Variants in TSPAN9 observed in about 807,000 individuals in gnomAD.
TSPAN9 encodes the protein tetraspanin 9, also known as tetraspanin-9.
Under a neutral mutation model 31.0 loss-of-function variants are expected in TSPAN9, and 16 were observed. The ratio of observed to expected loss-of-function variants is 0.52; its 90% CI spans 0.35 to 0.78. The LOEUF is 0.78. TSPAN9 is among the 30% of genes least tolerant of loss of function. The pLI is 0.01. For synonymous variants in TSPAN9, 145 were observed against 121.6 expected, an observed-to-expected ratio of 1.19 and a Z score of -1.27; for missense variants, 272 against 312.5, an observed-to-expected ratio of 0.87 and a Z score of 0.98.
chr12:3,174,809 C>T (rs1463988062), intron 2 of TSPAN9, among the ~76,000 whole-genome samples: 2 of 150,562 alleles, frequency 1.3e-5, no homozygotes, highest in African/African-American at 4.9e-5. Flanking sequence ...GTCTCGATCT[C>T]CTGACCTCGT....
chr12:3,089,444 G>C (rs763058090), intron 2 of TSPAN9, among the ~76,000 whole-genome samples: 162 of 151,034 alleles, frequency 1.1e-3, no homozygotes, highest in Non-Finnish European at 1.9e-3. Context: ...TTACAGGCAT[G>C]TGCCACCACG....
rs1290414782 is a variant in TSPAN9, at chr12:3,264,540, G to A, written c.64-13881G>A. ...GGGAGTAGAGCCCATCTGGGCAGACGCTGCTGCAGGCCTGGGTGGACAGGG... is the reference window on the plus strand; with the variant it reads ...GGGAGTAGAGCCCATCTGGGCAGACACTGCTGCAGGCCTGGGTGGACAGGG... On this transcript the variant is annotated intron_variant, in intron 3 of 8. Coordinates refer to ENST00000011898, the MANE Select transcript of TSPAN9 (RefSeq NM_006675.5). Among the ~76,000 whole-genome samples, 3 of 152,292 alleles carry A rather than the reference G, an allele frequency of 2.0e-5. No individual in the cohort carries two copies. The East Asian group carries it at 5.8e-4, about 29-fold the overall frequency.
intron 2 of TSPAN9, among the ~76,000 whole-genome samples, chr12:3,146,045 C>T (rs1228430069): frequency 1.3e-5 from 2 of 152,244 alleles, no homozygotes; most frequent in Admixed American, 6.5e-5. Context: ...GGCACGAGGA[C>T]GCTTTCCCAC....
At chr12:3,279,730 A>G (rs1289340263) in intron 5 of TSPAN9, among the ~76,000 whole-genome samples, 1 of 152,248 alleles carries the variant, frequency 6.6e-6, no homozygotes, top group Non-Finnish European at 1.5e-5. Flanking sequence ...CCTGAGCCAC[A>G]CTGAAAGTTA....
intron 1 of TSPAN9, among the ~76,000 whole-genome samples, chr12:3,081,840 G>GTATATATA (rs1279686443): frequency 8.3e-4 from 25 of 30,130 alleles, no homozygotes; most frequent in African/African-American, 4.5e-3. Context: ...GTGTGTCTGT[G>GTATATATA]TGTGTATATA....
intron 3 of TSPAN9, among the ~76,000 whole-genome samples, chr12:3,209,818 G>T (rs192703581): frequency 5.1e-4 from 78 of 152,058 alleles, no homozygotes; most frequent in African/African-American, 1.8e-3. Flanking sequence ...AATTAGCCGG[G>T]CGCGGTGGTG....
At chr12:3,226,769 TATATATATATATATATATATA>T (rs1565622542) in intron 3 of TSPAN9, among the ~76,000 whole-genome samples, 2 of 3,680 alleles carry the variant, frequency 5.4e-4, no homozygotes, top group African/African-American at 1.3e-3. Context: ...TATATATATA[TATATATATATATATATATATA>T]TATATTTTTT....
intron 2 of TSPAN9, among the ~76,000 whole-genome samples, chr12:3,114,371 A>G (rs560253110): frequency 6.6e-6 from 1 of 152,270 alleles, no homozygotes; most frequent in Non-Finnish European, 1.5e-5. Context: ...GAGACAGGCG[A>G]TGGGCTGTAT....
intron 2 of TSPAN9, among the ~76,000 whole-genome samples, chr12:3,127,948 GGC>G (rs1285787468): frequency 1.3e-5 from 2 of 152,130 alleles, no homozygotes; most frequent in Non-Finnish European, 2.9e-5. Context: ...TTACACGACT[GGC>G]AGTGCAGTGG....
Position 3,243,239 on chromosome 12 carries a change from G to A in TSPAN9, c.64-35182G>A, listed in dbSNP as rs750833091. On this transcript the variant is annotated intron_variant, in intron 3 of 8. Transcript: ENST00000011898. Reference sequence around the variant, plus strand: ...TGAGTTCCCCATCTCGTTGTCTGCTGGACTCACCCATCATCTTTCCACCAT... The same window carrying A: ...TGAGTTCCCCATCTCGTTGTCTGCTAGACTCACCCATCATCTTTCCACCAT... Among the ~76,000 whole-genome samples the A allele has an allele frequency of 3.4e-4, 51 of 152,214 alleles. 1 individual carries two copies. Among genetic ancestry groups the A allele is most frequent in the South Asian group, 1.9e-3 (9 of 4,824 alleles).
At chr12:3,188,201 T>G (rs542768689) in intron 2 of TSPAN9, among the ~76,000 whole-genome samples, 1 of 152,248 alleles carries the variant, frequency 6.6e-6, no homozygotes, top group East Asian at 1.9e-4. Context: ...TTAACCCCAT[T>G]ATACTGATGA....
rs1405176563 is a variant in TSPAN9, at chr12:3,284,474, A to G, written c.*1358A>G. 1 of 152,596 alleles carries G rather than the reference A, an allele frequency of 6.6e-6. No homozygotes were observed. The highest frequency in any genetic ancestry group is 2.1e-4 in the South Asian group (1 of 4,828). 9.5% of individuals were successfully genotyped at this position (152,596 alleles called of 1,614,324 possible). On this transcript the variant is annotated 3_prime_UTR_variant, in exon 9 of 9. Coordinates refer to ENST00000011898, the MANE Select transcript of TSPAN9 (RefSeq NM_006675.5). Reference sequence around the variant, plus strand: ...CAGTGGGTTGGGTGGCGATTATATCATCTGTGATCCCAAGGAGAAGAAATA... The same window carrying G: ...CAGTGGGTTGGGTGGCGATTATATCGTCTGTGATCCCAAGGAGAAGAAATA...
At chr12:3,181,540 G>C (rs2098358575) in intron 2 of TSPAN9, among the ~76,000 whole-genome samples, 1 of 152,146 alleles carries the variant, frequency 6.6e-6, no homozygotes, top group South Asian at 2.1e-4. Flanking sequence ...TGACAGCAAG[G>C]CTGCCTGGTG....
intron 2 of TSPAN9, among the ~76,000 whole-genome samples, chr12:3,157,711 C>T (rs924280009): frequency 3.3e-5 from 5 of 152,198 alleles, no homozygotes; most frequent in Non-Finnish European, 7.3e-5. Flanking sequence ...ACTGGAACCA[C>T]GGTCCCAGAC....
At chr12:3,105,896 G>A (rs937470639) in intron 2 of TSPAN9, among the ~76,000 whole-genome samples, 1 of 150,204 alleles carries the variant, frequency 6.7e-6, no homozygotes, top group African/African-American at 2.5e-5. Flanking sequence ...ACATGGTCAC[G>A]GGCACTCATG....
intron 2 of TSPAN9, among the ~76,000 whole-genome samples, chr12:3,196,966 A>G (rs2098367333): frequency 6.6e-6 from 1 of 152,176 alleles, no homozygotes. Context: ...GGAGGGGGCC[A>G]CCCTGCGAGG....
At chr12:3,085,199 A>AT (rs1329428543) in intron 2 of TSPAN9, among the ~76,000 whole-genome samples, 1 of 151,108 alleles carries the variant, frequency 6.6e-6, no homozygotes, top group Non-Finnish European at 1.5e-5. Flanking sequence ...CTTTGTCCCT[A>AT]TTAAAAAAAA....
intron 3 of TSPAN9, chr12:3,212,012 C>G: frequency 1.4e-6 from 1 of 738,994 alleles, no homozygotes; most frequent in East Asian, 2.7e-5. Flanking sequence ...TTCTCCGTCA[C>G]CCAGGCTGGA....
At chr12:3,119,677 C>T (rs938059787) in intron 2 of TSPAN9, among the ~76,000 whole-genome samples, 13 of 152,228 alleles carry the variant, frequency 8.5e-5, no homozygotes, top group Non-Finnish European at 1.0e-4. Context: ...CTGTGCACCC[C>T]GCTTCTCCCT....
Sources: allele counts gnomAD v4.1 joint callset (sites outside exome capture counted in the v4.1 genomes callset), GRCh38; gene constraint gnomAD v4.1.1; transcripts MANE v1.5; gene names NCBI Gene and HGNC (gene_info 2026-07-23, HGNC 2026-07-21).